Variants in GPC6 observed in about 807,000 individuals in gnomAD.
GPC6 encodes glypican-6.
GPC6 carries 14 observed loss-of-function variants against 55.2 expected under a neutral mutation model. That is an observed-to-expected ratio of 0.25 (90% CI 0.17 to 0.40). The LOEUF is 0.40. GPC6 is among the 10% of genes least tolerant of loss of function. The probability of loss-of-function intolerance (pLI) is 1.00; values close to 1 mark genes in which losing one functional copy is unlikely to be tolerated. For missense variants in GPC6, 641 were observed against 708.5 expected, an observed-to-expected ratio of 0.90 and a Z score of 1.08; for synonymous variants, 278 against 259.6, an observed-to-expected ratio of 1.07 and a Z score of -0.68.
At chr13:93,440,116 T>C (rs1048572014) in intron 1 of GPC6, among the ~76,000 whole-genome samples, 13 of 152,214 alleles carry the variant, frequency 8.5e-5, no homozygotes, top group Non-Finnish European at 5.9e-5. Context: ...TGTAATTTTA[T>C]GGCCATATAA....
chr13:93,979,149 A>G (rs1266542087), intron 3 of GPC6, among the ~76,000 whole-genome samples: 2 of 152,144 alleles, frequency 1.3e-5, no homozygotes, highest in African/African-American at 2.4e-5. Flanking sequence ...ACACTCTCCA[A>G]TATGGTACTC....
At chr13:93,642,001 G>GT (rs890123397) in intron 2 of GPC6, among the ~76,000 whole-genome samples, 3 of 151,792 alleles carry the variant, frequency 2.0e-5, no homozygotes, top group Admixed American at 2.0e-4. Flanking sequence ...CTGGACTTTT[G>GT]TTTTTCAAAT....
intron 3 of GPC6, among the ~76,000 whole-genome samples, chr13:93,999,008 T>C (rs1881678428): frequency 6.6e-6 from 1 of 152,172 alleles, no homozygotes; most frequent in Non-Finnish European, 1.5e-5. Context: ...TAACCATCAT[T>C]CTACTTTCTG....
chr13:94,281,567 T>C (rs981649971), intron 4 of GPC6, among the ~76,000 whole-genome samples: 5 of 152,216 alleles, frequency 3.3e-5, no homozygotes, highest in African/African-American at 4.8e-5. Context: ...TGCAAGTGTA[T>C]GTATAATCAT....
At chr13:94,079,288 C>T (rs1467116149) in intron 4 of GPC6, among the ~76,000 whole-genome samples, 1 of 152,012 alleles carries the variant, frequency 6.6e-6, no homozygotes. Context: ...GAACATTTTG[C>T]TATAAGGCTA....
intron 2 of GPC6, among the ~76,000 whole-genome samples, chr13:93,787,326 A>C (rs7329113): frequency 0.34 from 51,193 of 152,058 alleles, 9,171 homozygotes; most frequent in African/African-American, 0.46. Context: ...GGTCTCTGTT[A>C]TGACTATTCA....
chr13:93,635,088 C>G (rs1879637022), intron 2 of GPC6, among the ~76,000 whole-genome samples: 1 of 151,712 alleles, frequency 6.6e-6, no homozygotes, highest in Admixed American at 6.6e-5. Flanking sequence ...ATTTTAAAAA[C>G]GTATTGGGTT....
chr13:93,513,057 T>C (rs1275571061), intron 1 of GPC6, among the ~76,000 whole-genome samples: 1 of 152,210 alleles, frequency 6.6e-6, no homozygotes, highest in Non-Finnish European at 1.5e-5. Flanking sequence ...TTAGCTATTG[T>C]CCTTGAAAAA....
intron 2 of GPC6, among the ~76,000 whole-genome samples, chr13:93,562,318 AT>A (rs1197367307): frequency 6.6e-6 from 1 of 152,154 alleles, no homozygotes; most frequent in Non-Finnish European, 1.5e-5. Context: ...TATGCAAGAT[AT>A]TTGAAACAAA....
At chr13:94,266,151 C>CTTT (rs111623457) in intron 4 of GPC6, among the ~76,000 whole-genome samples, 28,726 of 142,106 alleles carry the variant, frequency 0.2, 2,828 homozygotes, top group East Asian at 0.27. Context: ...CTTTTCTTTT[C>CTTT]TTTTTTTTTT....
At chr13:93,580,447 C>T (rs552447923) in intron 2 of GPC6, among the ~76,000 whole-genome samples, 3 of 152,252 alleles carry the variant, frequency 2.0e-5, no homozygotes, top group South Asian at 2.1e-4. Flanking sequence ...GCAGTCACCC[C>T]GAAGACTACA....
chr13:93,276,495 A>AGAGTGTGT (rs1365006783), intron 1 of GPC6, among the ~76,000 whole-genome samples: 42 of 94,448 alleles, frequency 4.4e-4, no homozygotes, highest in South Asian at 1.2e-3. Flanking sequence ...AGAGAGAGAG[A>AGAGTGTGT]GTGTGTGTGT....
At chr13:93,592,018 T>TATTTTTAAAGG (rs1176647429) in intron 2 of GPC6, among the ~76,000 whole-genome samples, 105 of 152,298 alleles carry the variant, frequency 6.9e-4, no homozygotes, top group African/African-American at 2.5e-3. Context: ...GGAAGCAGTA[T>TATTTTTAAAGG]ATTTTTAAAG....
intron 1 of GPC6, among the ~76,000 whole-genome samples, chr13:93,430,029 T>C (rs541950718): frequency 6.6e-6 from 1 of 152,266 alleles, no homozygotes; most frequent in South Asian, 2.1e-4. Flanking sequence ...TATTCCAGTG[T>C]GCCCAGGGCA....
At chr13:93,632,684 A>C (rs1879514246) in intron 2 of GPC6, among the ~76,000 whole-genome samples, 1 of 149,566 alleles carries the variant, frequency 6.7e-6, no homozygotes, top group Non-Finnish European at 1.5e-5. Context: ...CTATTTGTGC[A>C]TATATGCACA....
intron 3 of GPC6, among the ~76,000 whole-genome samples, chr13:93,960,361 C>G (rs1030923575): frequency 6.6e-6 from 1 of 152,212 alleles, no homozygotes; most frequent in Non-Finnish European, 1.5e-5. Context: ...CCATCACAGT[C>G]ACGGATCTCC....
At chr13:93,913,674 C>G (rs1352346011) in intron 3 of GPC6, among the ~76,000 whole-genome samples, 1 of 151,660 alleles carries the variant, frequency 6.6e-6, no homozygotes, top group Admixed American at 6.6e-5. Flanking sequence ...TTTTTCTTTC[C>G]TCTGTTTTTC....
chr13:94,382,341 G>T (rs1880194933), intron 6 of GPC6, 73 bp from the exon 7 acceptor site: 2 of 1,521,116 alleles, frequency 1.3e-6, no homozygotes, highest in Admixed American at 1.7e-5. Flanking sequence ...ACCCTCGCCT[G>T]CGTACGTCCT....
intron 1 of GPC6, among the ~76,000 whole-genome samples, chr13:93,418,638 G>A (rs543442715): frequency 2.8e-4 from 42 of 149,704 alleles, no homozygotes; most frequent in South Asian, 4.2e-4. Flanking sequence ...GCGCTATACC[G>A]TAGTATCATT....
Sources: gnomAD v4.1 joint callset for allele counts (sites outside exome capture counted in the v4.1 genomes callset) on GRCh38, gnomAD v4.1.1 for gene constraint, MANE v1.5 for transcripts, NCBI Gene and HGNC (gene_info 2026-07-23, HGNC 2026-07-21) for gene names.